The following PLCE1 variants were observed in gnomAD, a reference collection of about 807,000 sequenced individuals.
PLCE1 encodes 1-phosphatidylinositol 4,5-bisphosphate phosphodiesterase epsilon-1.
In PLCE1, 119 loss-of-function variants were observed where a neutral mutation model predicts 242.8. The observed-to-expected ratio is 0.49, with a 90% confidence interval of 0.42 to 0.57. PLCE1 has a LOEUF of 0.57. Ranked by LOEUF, PLCE1 falls within the 20% of genes least tolerant of loss-of-function variation. The probability of loss-of-function intolerance (pLI) is 0.00; values close to 1 mark genes in which losing one functional copy is unlikely to be tolerated. For missense variants in PLCE1, 2,441 were observed against 2,788.8 expected (o/e 0.88, Z 2.81); for synonymous variants, 945 against 1,017.4 (o/e 0.93, Z 1.35).
At chr10:94,029,737 G>T (rs1375137713) in intron 1 of PLCE1, among the ~76,000 whole-genome samples, 1 of 152,142 alleles carries the variant, frequency 6.6e-6, no homozygotes. Flanking sequence ...TTTGGGAAAA[G>T]AGGGTACGGG....
chr10:94,162,603 C>A (rs2047653952), intron 3 of PLCE1, among the ~76,000 whole-genome samples: 1 of 152,096 alleles, frequency 6.6e-6, no homozygotes, highest in African/African-American at 2.4e-5. Flanking sequence ...TTTCAAAAAA[C>A]CAGCTCCTGG....
intron 19 of PLCE1, 69 bp downstream of exon 19, chr10:94,273,789 T>G: frequency 7.2e-7 from 1 of 1,395,846 alleles, no homozygotes; most frequent in Non-Finnish European, 1.0e-6. Context: ...AACATCATTC[T>G]AACCTTTCAG....
At chr10:94,059,938 A>G (rs758153003) in intron 2 of PLCE1, among the ~76,000 whole-genome samples, 1 of 152,156 alleles carries the variant, frequency 6.6e-6, no homozygotes, top group Non-Finnish European at 1.5e-5. Context: ...GCTTTTGAAG[A>G]AGGTACCTGG....
At chr10:94,270,957 A>C (rs2051708360) in intron 18 of PLCE1, among the ~76,000 whole-genome samples, 1 of 152,164 alleles carries the variant, frequency 6.6e-6, no homozygotes, top group Non-Finnish European at 1.5e-5. Context: ...GGCGTGAGAC[A>C]CTGCACCCAG....
intron 4 of PLCE1, among the ~76,000 whole-genome samples, chr10:94,177,302 AGTGTT>A (rs373478581): frequency 6.6e-6 from 1 of 152,342 alleles, no homozygotes; most frequent in Non-Finnish European, 1.5e-5. Context: ...GCTTGGAAGC[AGTGTT>A]TCCTCCCCAT....
At chr10:93,999,981 T>G (rs1468234939) in intron 1 of PLCE1, among the ~76,000 whole-genome samples, 1 of 152,240 alleles carries the variant, frequency 6.6e-6, no homozygotes, top group Non-Finnish European at 1.5e-5. Context: ...CTCAAGCACA[T>G]AATCCAGAGT....
chr10:94,161,867 G>T (rs1025847549), intron 3 of PLCE1, among the ~76,000 whole-genome samples: 2 of 152,068 alleles, frequency 1.3e-5, no homozygotes, highest in African/African-American at 4.8e-5. Flanking sequence ...TAGCATGAAG[G>T]GCTGTTGAAT....
At chr10:94,235,674 T>G in intron 6 of PLCE1, 1 of 966,616 alleles carries the variant, frequency 1.0e-6, no homozygotes, top group Non-Finnish European at 1.2e-6. Context: ...TTTTTTGTTT[T>G]AAATTTGAAG....
chr10:94,031,000 A>G lies in PLCE1; in HGVS notation c.-47A>G, dbSNP rs11187771. 5,508 of 1,601,388 alleles carry G rather than the reference A, an allele frequency of 3.4e-3. 14 individuals are homozygous for G. Among genetic ancestry groups the G allele is most frequent in the Non-Finnish European group, 4.4e-3 (5,129 of 1,168,854 alleles). ...TTATTAAAACCTTGACATGATCACC[A>G]GGGAGGAAAAATAGAGCAATAGTCA... is the stretch of plus-strand genomic sequence containing the variant. On this transcript the variant is annotated 5_prime_UTR_variant, in exon 2 of 33. Coordinates refer to ENST00000371380, the MANE Select transcript of PLCE1 (RefSeq NM_016341.4).
At position 94,261,148 on chromosome 10, in the gene PLCE1, C is replaced by G. The variant is rs535169958; in HGVS notation, c.3815-1346C>G. 6.6e-5 allele frequency among the ~76,000 whole-genome samples: 10 copies of G among 152,168 alleles called. No homozygotes were observed. In the South Asian group the frequency reaches 1.2e-3, roughly 19 times the overall value. ...GTTCCTTATGCTTCATTTTTCCATC[C>G]CCCCCGCGACCTCCCTCCAAATCCC... On this transcript the variant is annotated intron_variant, in intron 13 of 32. Transcript: ENST00000371380.
intron 3 of PLCE1, among the ~76,000 whole-genome samples, chr10:94,153,566 A>C (rs1319705571): frequency 6.6e-6 from 1 of 152,128 alleles, no homozygotes; most frequent in Non-Finnish European, 1.5e-5. Flanking sequence ...AAAATAAATA[A>C]AAGGCATCCA....
intron 1 of PLCE1, among the ~76,000 whole-genome samples, chr10:94,016,534 A>G (rs969962691): frequency 2.0e-5 from 3 of 152,208 alleles, no homozygotes; most frequent in Admixed American, 6.5e-5. Context: ...TCAGCACTCA[A>G]AAAGTTTCAG....
chr10:94,268,019 A>G (rs1368372525), intron 16 of PLCE1, among the ~76,000 whole-genome samples: 1 of 152,232 alleles, frequency 6.6e-6, no homozygotes, highest in Admixed American at 6.5e-5. Context: ...TTACAGATGT[A>G]TCAATTTCTT....
At chr10:94,065,127 C>T (rs2044163128) in intron 2 of PLCE1, among the ~76,000 whole-genome samples, 1 of 152,076 alleles carries the variant, frequency 6.6e-6, no homozygotes, top group Admixed American at 6.5e-5. Flanking sequence ...GCCTGACTCC[C>T]CATATTTTTA....
At chr10:94,318,020 T>G (rs888781110) in intron 29 of PLCE1, among the ~76,000 whole-genome samples, 1 of 152,154 alleles carries the variant, frequency 6.6e-6, no homozygotes, top group African/African-American at 2.4e-5. Context: ...TTTTAACCAT[T>G]GTGTGTTTTC....
chr10:94,113,065 G>A (rs1007508651), intron 2 of PLCE1, among the ~76,000 whole-genome samples: 4 of 152,096 alleles, frequency 2.6e-5, no homozygotes, highest in African/African-American at 9.7e-5. Flanking sequence ...AATCTGTAGC[G>A]ATGGAAGGTA....
At chr10:94,080,288 CTCTG>C (rs111283652) in intron 2 of PLCE1, among the ~76,000 whole-genome samples, 8 of 152,176 alleles carry the variant, frequency 5.3e-5, no homozygotes, top group African/African-American at 1.9e-4. Context: ...GTGCTAGTCC[CTCTG>C]TCTGGGACAC....
intron 4 of PLCE1, among the ~76,000 whole-genome samples, chr10:94,197,263 T>C (rs2048849610): frequency 6.6e-6 from 1 of 152,248 alleles, no homozygotes; most frequent in Non-Finnish European, 1.5e-5. Flanking sequence ...GAATTATGTA[T>C]ACTTTTTGGC....
At position 94,068,743 on chromosome 10, in the gene PLCE1, T is replaced by C. The variant is rs575368270; in HGVS notation, c.1206+36491T>C. On this transcript the variant is annotated intron_variant, in intron 2 of 32. Transcript: ENST00000371380. The stretch of plus-strand genomic sequence containing the variant: ...CAGGTGAGGAAACTGAGGCGCAGAG[T>C]GGTTAAGTAAGTTTCACTGGATTAC... 1.6e-4 allele frequency among the ~76,000 whole-genome samples: 24 copies of C among 152,156 alleles called. No individual in the cohort carries two copies. The East Asian group carries it at 4.4e-3, about 28-fold the overall frequency.
Sources: gnomAD v4.1 joint callset for allele counts (sites outside exome capture counted in the v4.1 genomes callset) on GRCh38, gnomAD v4.1.1 for gene constraint, MANE v1.5 for transcripts, NCBI Gene and HGNC (gene_info 2026-07-23, HGNC 2026-07-21) for gene names.